PLXNB1: variants seen among roughly 807,000 people sequenced by gnomAD.
PLXNB1 encodes plexin-B1.
A neutral mutation model predicts 209.4 loss-of-function variants in PLXNB1; 106 were observed. That is an observed-to-expected ratio of 0.51 (90% CI 0.43 to 0.59). PLXNB1 has a LOEUF of 0.59. Among genes scored for constraint, PLXNB1 ranks in the 20% least tolerant of loss-of-function variants. PLXNB1 has a pLI of 0.00. For synonymous variants in PLXNB1, 1,167 were observed against 1,183.2 expected (o/e 0.99, Z 0.28); for missense variants, 2,357 against 2,853.2 (o/e 0.83, Z 3.96).
chr3:48,416,404 G>A lies in PLXNB1; in HGVS notation c.3422C>T (p.Thr1141Ile), dbSNP rs1187263275. ...GASGEEVAGATAVEVPGRGRG... is the reference protein window; with the variant it reads ...GASGEEVAGAIAVEVPGRGRG... ...TCCTCTTCCCGGCACCTCCACCGCTGTGGCGCCGGCCACCTCCTCCCCACT... is the reference window on the plus strand; with the variant it reads ...TCCTCTTCCCGGCACCTCCACCGCTATGGCGCCGGCCACCTCCTCCCCACT... Residue 1141 changes from threonine (T) to isoleucine (I), a missense_variant, in exon 17 of 38, where the codon ACA becomes ATA. Thr to Ile is a moderately conservative substitution (Grantham distance 89). Transcript: ENST00000296440. The surrounding 1 kb of genome is among the most constrained non-coding windows in gnomAD (Gnocchi z 4.1). 8 of 1,613,154 alleles carry A rather than the reference G, an allele frequency of 5.0e-6. No individual in the cohort carries two copies. Among genetic ancestry groups the A allele is most frequent in the Middle Eastern group, 1.6e-4 (1 of 6,080 alleles).
chr3:48,415,169 G>A lies in PLXNB1; in HGVS notation c.3966+7C>T. 1 of 1,610,424 alleles carries A rather than the reference G, an allele frequency of 6.2e-7. No homozygotes were observed. The highest frequency in any genetic ancestry group is 8.5e-7 in the Non-Finnish European group (1 of 1,177,410). On this transcript the variant is annotated splice_region_variant and intron_variant, in intron 20 of 37. Transcript: ENST00000296440. The surrounding 1 kb of genome is among the most constrained non-coding windows in gnomAD (Gnocchi z 5.0). ...GGAGAGTGTGGGGGTACCCAAGGGT[G>A]TCCTACTTGCTGGCTACTGCAGGAG...
rs2037696807 is a variant in PLXNB1 at position 48,411,751 on chromosome 3, T to C, written c.5247+112A>G. On this transcript the variant is annotated intron_variant, in intron 28 of 37. Coordinates refer to ENST00000296440, the MANE Select transcript of PLXNB1 (RefSeq NM_001130082.3). The surrounding 1 kb of genome is among the most constrained non-coding windows in gnomAD (Gnocchi z 4.0). ...AGCCAGCCAGAGGTCAACCCAGCTC[T>C]ACATCCAGGTACCACATCAGAAGCT... is the stretch of plus-strand genomic sequence containing the variant. 1 of 1,269,820 alleles carries C rather than the reference T, an allele frequency of 7.9e-7. No homozygotes were observed. The highest frequency in any genetic ancestry group is 1.5e-5 in the African/African-American group (1 of 67,548). The allele number at this position is 1,269,820 out of a possible 1,614,324, so 78.7% of individuals were successfully genotyped here. A position where few individuals can be genotyped will look rare whatever the true frequency, so the allele number is the denominator to read the frequency against.
chr3:48,419,559 T>G lies in PLXNB1; in HGVS notation c.2709+18A>C. The G allele has an allele frequency of 6.3e-7, 1 of 1,593,886 alleles. No individual in the cohort carries two copies. The highest frequency in any genetic ancestry group is 8.6e-7 in the Non-Finnish European group (1 of 1,165,656). ...CACATCCCCTCCCCTGAGGCCTCCT[T>G]CCTGGGCTGGGCCTCACCAGCTCCC... On this transcript the variant is annotated intron_variant, in intron 11 of 37. Coordinates refer to ENST00000296440, the MANE Select transcript of PLXNB1 (RefSeq NM_001130082.3). The surrounding 1 kb of genome is among the most constrained non-coding windows in gnomAD (Gnocchi z 5.7).
rs771171988 is a variant in PLXNB1, at chr3:48,409,341, G to C, written c.6075C>G (p.His2025Gln). The change falls in exon 34 of 38, where the codon CAC becomes CAG. Residue 2025 changes from histidine (H) to glutamine (Q), a missense_variant. This residue lies in a region of PLXNB1 where 414 missense variants were observed against 520.5 expected (regional missense o/e 0.80). Coordinates refer to ENST00000296440, the MANE Select transcript of PLXNB1 (RefSeq NM_001130082.3). This position sits in a 1 kb window ranked among gnomAD's most constrained non-coding sequence, Gnocchi z 5.8. ...TFMDACTLAD[H>Q]KLGRDSPINK... is the part of the protein sequence containing the mutation. ...CAGACTCGCTCACCCGGCCCAGCTT[G>C]TGGTCGGCCAGGGTGCAGGCGTCCA... The C allele has an allele frequency of 6.2e-7, 1 of 1,614,142 alleles. No individual in the cohort carries two copies. Among genetic ancestry groups the C allele is most frequent in the Non-Finnish European group, 8.5e-7 (1 of 1,180,036 alleles).
Position 48,413,731 on chromosome 3 carries a change from C to G in PLXNB1, c.4474G>C (p.Gly1492Arg). The G allele has an allele frequency of 6.2e-7, 1 of 1,613,748 alleles. No individual in the cohort carries two copies. ...AGAAGAGAGGTGCCCACCCCCAAGC[C>G]CACCTGGGCTGCCACAGGAAAAGCC... ...PGAFPVAAQVGLGVGTSLLAL... is the reference protein window; with the variant it reads ...PGAFPVAAQVRLGVGTSLLAL... The change falls in exon 23 of 38, where the codon GGC becomes CGC. Residue 1492 changes from glycine (G) to arginine (R), a missense_variant. Coordinates refer to ENST00000296440, the MANE Select transcript of PLXNB1 (RefSeq NM_001130082.3). This position sits in a 1 kb window ranked among gnomAD's most constrained non-coding sequence, Gnocchi z 5.4.
chr3:48,405,643 G>C lies in PLXNB1; in HGVS notation c.6303+81C>G, dbSNP rs891352478. The C allele has an allele frequency of 7.2e-6, 8 of 1,106,004 alleles. 1 individual carries two copies. In the South Asian group the frequency reaches 1.0e-4, roughly 14 times the overall value. The allele number at this position is 1,106,004 out of a possible 1,614,324, so 68.5% of individuals were successfully genotyped here. ...CCTGGGGAAGACCAAAGCCCCCAAC[G>C]TGAGTCACAGGGTCAGAGCCCCTTA... is the stretch of plus-strand genomic sequence containing the variant. On this transcript the variant is annotated intron_variant, in intron 37 of 37. Transcript: ENST00000296440. The surrounding 1 kb of genome is among the most constrained non-coding windows in gnomAD (Gnocchi z 5.0).
chr3:48,418,509 C>G lies in PLXNB1; in HGVS notation c.2989G>C (p.Val997Leu). The G allele has an allele frequency of 6.2e-7, 1 of 1,610,082 alleles. No individual in the cohort carries two copies. The highest frequency in any genetic ancestry group is 8.5e-7 in the Non-Finnish European group (1 of 1,178,494). Residue 997 changes from valine (V) to leucine (L), a missense_variant, in exon 14 of 38, where the codon GTG (valine) becomes CTG (leucine). Around this residue, in one of 7 missense-constraint regions of PLXNB1, gnomAD observed 410 missense variants for 401.0 expected, o/e 1.02. Transcript: ENST00000296440. The surrounding 1 kb of genome is among the most constrained non-coding windows in gnomAD (Gnocchi z 6.6). ...SYEALQPELR[V>L]GLFLRRAGRL... ...CCGGCCCGACGCAGAAACAGCCCCA[C>G]ACGGAGCTCCGGCTGCAGAGCCTCA...
At chr3:48,421,534 G>A (rs991511787) in intron 7 of PLXNB1, 140 bp downstream of exon 7, 2 of 1,198,014 alleles carry the variant, frequency 1.7e-6, no homozygotes, top group Non-Finnish European at 2.3e-6. Context: ...AAATAGATGG[G>A]GAAACTGAGC....
In PLXNB1 at chr3:48,410,495, T is replaced by C; in HGVS notation, c.5480A>G (p.Gln1827Arg). The change falls in exon 30 of 38, where the codon CAG becomes CGG. Residue 1827 changes from glutamine to arginine, a missense_variant. Coordinates refer to ENST00000296440, the MANE Select transcript of PLXNB1 (RefSeq NM_001130082.3). The surrounding 1 kb of genome is among the most constrained non-coding windows in gnomAD (Gnocchi z 6.4). ...LSDEDVTSEV[Q>R]GLWRRLNTLQ... ...TGTGTTCAGGCGCCTCCACAGACCC[T>C]GGACCTCAGAAGTGACATCCTCGTC... 5 of 1,613,952 alleles carry C rather than the reference T, an allele frequency of 3.1e-6. No individual in the cohort carries two copies. Among genetic ancestry groups the C allele is most frequent in the Non-Finnish European group, 4.2e-6 (5 of 1,179,996 alleles).
Position 48,419,547 on chromosome 3 carries a change from C to A in PLXNB1, c.2709+30G>T. On this transcript the variant is annotated intron_variant, in intron 11 of 37. Coordinates refer to ENST00000296440, the MANE Select transcript of PLXNB1 (RefSeq NM_001130082.3). This position sits in a 1 kb window ranked among gnomAD's most constrained non-coding sequence, Gnocchi z 5.7. Reference sequence around the variant, plus strand: ...TAGCATCTTCCCCACATCCCCTCCCCTGAGGCCTCCTTCCTGGGCTGGGCC... The same window carrying A: ...TAGCATCTTCCCCACATCCCCTCCCATGAGGCCTCCTTCCTGGGCTGGGCC... 1 of 1,582,116 alleles carries A rather than the reference C, an allele frequency of 6.3e-7. No individual in the cohort carries two copies. Among genetic ancestry groups the A allele is most frequent in the Non-Finnish European group, 8.6e-7 (1 of 1,157,946 alleles).
At position 48,411,895 on chromosome 3, in the gene PLXNB1, G is replaced by A. The variant is rs2037706779; in HGVS notation, c.5215C>T (p.Leu1739=). 4 of 1,614,168 alleles carry A rather than the reference G, an allele frequency of 2.5e-6. No homozygotes were observed. The East Asian group carries it at 6.7e-5, about 27-fold the overall frequency. Residue 1739 remains leucine, a synonymous_variant, in exon 28 of 38, where the codon CTG becomes TTG. Coordinates refer to ENST00000296440, the MANE Select transcript of PLXNB1 (RefSeq NM_001130082.3). This position sits in a 1 kb window ranked among gnomAD's most constrained non-coding sequence, Gnocchi z 4.0. The part of the protein sequence containing the change: ...KAKYTLNDNR[L]LREDVEYRPL... Reference sequence around the variant, plus strand: ...CGGTACTCCACATCCTCTCTGAGCAGGCGGTTGTCGTTCAAGGTGTATTTG... The same window carrying A: ...CGGTACTCCACATCCTCTCTGAGCAAGCGGTTGTCGTTCAAGGTGTATTTG...
In PLXNB1 at chr3:48,415,521, C is replaced by T. The variant is rs567351891; in HGVS notation, c.3794+62G>A. 16 of 1,486,346 alleles carry T rather than the reference C, an allele frequency of 1.1e-5. No homozygotes were observed. The East Asian group carries it at 3.9e-4, about 37-fold the overall frequency. The allele number at this position is 1,486,346 out of a possible 1,614,324, so 92.1% of individuals were successfully genotyped here. On this transcript the variant is annotated intron_variant, in intron 19 of 37. Transcript: ENST00000296440. The surrounding 1 kb of genome is among the most constrained non-coding windows in gnomAD (Gnocchi z 5.0). ...CAACATAAAGCCCTACAAACCCCCA[C>T]ATAGTGGAGCTGCAAAGACCTCCCT... is the stretch of plus-strand genomic sequence containing the variant.
intron 5 of PLXNB1, 53 bp from the exon 6 acceptor site, chr3:48,422,258 C>T: frequency 6.2e-7 from 1 of 1,611,588 alleles, no homozygotes; most frequent in African/African-American, 1.3e-5. Flanking sequence ...AGTGGCTCAC[C>T]CACAAGTGGG....
intron 3 of PLXNB1, 122 bp downstream of exon 3, chr3:48,423,383 C>T: frequency 9.2e-7 from 1 of 1,082,724 alleles, no homozygotes; most frequent in Non-Finnish European, 1.4e-6. Context: ...TTAATATTTG[C>T]TGATCTGATC....
Position 48,423,961 on chromosome 3 carries a change from G to A in PLXNB1, c.651C>T (p.His217=). Residue 217 remains histidine, a synonymous_variant, in exon 3 of 38, where the codon CAC becomes CAT. Transcript: ENST00000296440. ...AVGRLSEYSH[H]FVSAFARGAS... Reference sequence around the variant, plus strand: ...CCCCACGTGCAAAGGCACTCACGAAGTGGTGGCTGTACTCGGAGAGGCGGC... The same window carrying A: ...CCCCACGTGCAAAGGCACTCACGAAATGGTGGCTGTACTCGGAGAGGCGGC... 1 of 1,613,998 alleles carries A rather than the reference G, an allele frequency of 6.2e-7. No homozygotes were observed. The highest frequency in any genetic ancestry group is 1.3e-5 in the African/African-American group (1 of 75,074).
chr3:48,424,191 G>T lies in PLXNB1; in HGVS notation c.421C>A (p.Gln141Lys). ...GCAGGATCATTGGCAGCCACATATT[G>T]TGTGTCCCCAGGCCGCTCTGGCCGC... ...LLRPERPGDT[Q>K]YVAANDPAVS... The change falls in exon 3 of 38, where the codon CAA becomes AAA. Residue 141 changes from glutamine (Q) to lysine (K), a missense_variant. Transcript: ENST00000296440. The T allele has an allele frequency of 6.3e-7, 1 of 1,590,490 alleles. No individual in the cohort carries two copies. Among genetic ancestry groups the T allele is most frequent in the South Asian group, 1.1e-5 (1 of 88,388 alleles).
At position 48,413,109 on chromosome 3, in the gene PLXNB1, C is replaced by A. The variant is rs769250787; in HGVS notation, c.4596G>T (p.Leu1532=). Residue 1532 remains leucine (L), a synonymous_variant, in exon 24 of 38, where the codon CTG becomes CTT. Coordinates refer to ENST00000296440, the MANE Select transcript of PLXNB1 (RefSeq NM_001130082.3). The surrounding 1 kb of genome is among the most constrained non-coding windows in gnomAD (Gnocchi z 5.4). ...TGCAGCGGTCCCGCACACTGCTCTCCAGATTCTCCAGCTGGATCTGAACCT... is the reference window on the plus strand; with the variant it reads ...TGCAGCGGTCCCGCACACTGCTCTCAAGATTCTCCAGCTGGATCTGAACCT... ...YKKVQIQLEN[L]ESSVRDRCKK... 1 of 1,613,952 alleles carries A rather than the reference C, an allele frequency of 6.2e-7. No homozygotes were observed. The highest frequency in any genetic ancestry group is 1.1e-5 in the South Asian group (1 of 91,080).
At chr3:48,420,566 A>C (rs984568832) in intron 10 of PLXNB1, 99 bp downstream of exon 10, 69 of 947,594 alleles carry the variant, frequency 7.3e-5, no homozygotes, top group Non-Finnish European at 1.1e-4. Flanking sequence ...TGCTCAGGAC[A>C]GAGCCTCACA....
At chr3:48,427,672 A>C (rs1392534446) in intron 1 of PLXNB1, among the ~76,000 whole-genome samples, 1 of 152,046 alleles carries the variant, frequency 6.6e-6, no homozygotes, top group Non-Finnish European at 1.5e-5. Flanking sequence ...GCCAGCCTGA[A>C]CTGCAGGCTG....
Sources: gnomAD v4.1 joint callset for allele counts (sites outside exome capture counted in the v4.1 genomes callset) on GRCh38, gnomAD v4.1.1 for gene constraint, gnomAD v4.1.1 regional missense constraint, Gnocchi (gnomAD v3.1) non-coding constraint, MANE v1.5 for transcripts, NCBI Gene and HGNC (gene_info 2026-07-23, HGNC 2026-07-21) for gene names.